The following RPTOR variants were observed in gnomAD, a reference collection of about 807,000 sequenced individuals.
RPTOR encodes the protein regulatory associated protein of MTOR complex 1.
RPTOR carries 21 observed loss-of-function variants against 169.9 expected under a neutral mutation model. The observed-to-expected ratio is 0.12, with a 90% CI of 0.09 to 0.18. The LOEUF (loss-of-function observed/expected upper bound fraction) is 0.18, where lower values mean the gene tolerates loss of function less well. RPTOR is among the 10% of genes least tolerant of loss of function. RPTOR has a pLI of 1.00. For missense variants in RPTOR, 1,133 were observed against 1,855.9 expected (o/e 0.61, Z 7.16); for synonymous variants, 732 against 753.2 (o/e 0.97, Z 0.46).
At chr17:80,687,141 T>C (rs2065954352) in intron 3 of RPTOR, among the ~76,000 whole-genome samples, 1 of 152,246 alleles carries the variant, frequency 6.6e-6, no homozygotes, top group South Asian at 2.1e-4. Context: ...GGCCAGCGCC[T>C]ACACTGCAGG....
intron 3 of RPTOR, among the ~76,000 whole-genome samples, chr17:80,665,406 TCC>T (rs1233973774): frequency 0.061 from 525 of 8,642 alleles, 48 homozygotes; most frequent in African/African-American, 0.11. Flanking sequence ...TCCTTTCCTT[TCC>T]TTTCCTTTCC....
At chr17:80,740,577 A>T (rs1186737973) in intron 5 of RPTOR, among the ~76,000 whole-genome samples, 1 of 152,254 alleles carries the variant, frequency 6.6e-6, no homozygotes, top group Non-Finnish European at 1.5e-5. Context: ...ATACGCTGTG[A>T]CTTAGTGAGT....
In RPTOR at chr17:80,746,324, G is replaced by A. The variant is rs989959411; in HGVS notation, c.655-7686G>A. Among the ~76,000 whole-genome samples the A allele has an allele frequency of 2.0e-5, 3 of 148,612 alleles. No homozygotes were observed. The highest frequency in any genetic ancestry group is 4.9e-5 in the African/African-American group (2 of 40,436). On this transcript the variant is annotated intron_variant, in intron 5 of 33. Transcript: ENST00000306801. The surrounding 1 kb of genome is among the most constrained non-coding windows in gnomAD (Gnocchi z 4.5). ...GGGTGATCCCCACCGCCCCCACAGC[G>A]GTGCTTTCTGCGGGTGATCCCCACC...
chr17:80,583,040 T>C (rs1436586800), intron 1 of RPTOR, among the ~76,000 whole-genome samples: 1 of 150,752 alleles, frequency 6.6e-6, no homozygotes, highest in Non-Finnish European at 1.5e-5. Context: ...TTCAGCCTCC[T>C]GAGTAGCTGG....
At chr17:80,840,276 GCTCA>G (rs1010053500) in intron 10 of RPTOR, among the ~76,000 whole-genome samples, 3 of 152,062 alleles carry the variant, frequency 2.0e-5, no homozygotes, top group Non-Finnish European at 2.9e-5. Context: ...GTTTGAGTAA[GCTCA>G]CTCTCTCTGC....
At chr17:80,926,668 C>T (rs2068815240) in intron 24 of RPTOR, among the ~76,000 whole-genome samples, 2 of 152,178 alleles carry the variant, frequency 1.3e-5, no homozygotes. Context: ...TGACAACATT[C>T]CTTAAAAAGA....
In RPTOR at chr17:80,960,615, G is replaced by C. The variant is rs1019753986; in HGVS notation, c.3605+410G>C. Among the ~76,000 whole-genome samples, 1 of 152,244 alleles carries C rather than the reference G, an allele frequency of 6.6e-6. No homozygotes were observed. Among genetic ancestry groups the C allele is most frequent in the African/African-American group, 2.4e-5 (1 of 41,456 alleles). On this transcript the variant is annotated intron_variant, in intron 30 of 33. Coordinates refer to ENST00000306801, the MANE Select transcript of RPTOR (RefSeq NM_020761.3). This position sits in a 1 kb window ranked among gnomAD's most constrained non-coding sequence, Gnocchi z 4.8. Reference sequence around the variant, plus strand: ...AGCAAGTGTCTGGGGAGGGATGTCTGAGGGCACACACGTGGGCACAGCAGC... The same window carrying C: ...AGCAAGTGTCTGGGGAGGGATGTCTCAGGGCACACACGTGGGCACAGCAGC...
At chr17:80,772,032 G>T (rs2066848872) in intron 6 of RPTOR, among the ~76,000 whole-genome samples, 1 of 152,142 alleles carries the variant, frequency 6.6e-6, no homozygotes, top group South Asian at 2.1e-4. Flanking sequence ...TATTGGCCAG[G>T]CTGGTCTTTA....
chr17:80,624,285 G>T (rs1201074703), intron 1 of RPTOR, among the ~76,000 whole-genome samples: 2 of 152,118 alleles, frequency 1.3e-5, no homozygotes, highest in Admixed American at 6.5e-5. Context: ...ACCATATTAT[G>T]TTCTGTATAG....
Position 80,960,203 on chromosome 17 carries a change from A to C in RPTOR, c.3603A>C (p.Glu1201Asp), listed in dbSNP as rs752022821. Residue 1201 changes from glutamate to aspartate, a missense_variant and splice_region_variant, in exon 30 of 34, where the codon GAA (glutamate) becomes GAC (aspartate). Around this residue, in one of 9 missense-constraint regions of RPTOR, gnomAD observed 410 missense variants for 623.7 expected, o/e 0.66. Coordinates refer to ENST00000306801, the MANE Select transcript of RPTOR (RefSeq NM_020761.3). This position sits in a 1 kb window ranked among gnomAD's most constrained non-coding sequence, Gnocchi z 4.8. The part of the protein sequence containing the change: ...RVYDRRMALS[E>D]CRVMTYREHT... ...ACGACAGAAGGATGGCACTCAGCGA[A>C]TGGTACCTTGACCCTGTCCTCTCCC... 6.2e-7 allele frequency: 1 copy of C among 1,613,382 alleles called. No homozygotes were observed. Among genetic ancestry groups the C allele is most frequent in the Non-Finnish European group, 8.5e-7 (1 of 1,179,952 alleles).
chr17:80,789,268 T>G (rs1226331682), intron 6 of RPTOR, among the ~76,000 whole-genome samples: 1 of 152,216 alleles, frequency 6.6e-6, no homozygotes, highest in Non-Finnish European at 1.5e-5. Flanking sequence ...ATTGTAGACA[T>G]TCTAGATTCT....
chr17:80,689,880 C>T (rs920828036), intron 3 of RPTOR, among the ~76,000 whole-genome samples: 1 of 152,074 alleles, frequency 6.6e-6, no homozygotes, highest in Admixed American at 6.5e-5. Flanking sequence ...TTGCTAAAAA[C>T]ACATTTAATA....
intron 10 of RPTOR, 144 bp from the exon 11 acceptor site, chr17:80,846,329 G>A (rs534701730): frequency 2.5e-5 from 19 of 745,274 alleles, no homozygotes; most frequent in East Asian, 2.1e-4. Flanking sequence ...CAGAGCGCCC[G>A]CTTCTCAGCC....
intron 1 of RPTOR, among the ~76,000 whole-genome samples, chr17:80,597,949 G>T (rs2065156191): frequency 6.6e-6 from 1 of 152,076 alleles, no homozygotes; most frequent in Non-Finnish European, 1.5e-5. Context: ...AGACCAGCCT[G>T]GGCCACATAG....
chr17:80,769,861 A>T (rs1017288412), intron 6 of RPTOR, among the ~76,000 whole-genome samples: 2 of 152,182 alleles, frequency 1.3e-5, no homozygotes, highest in Admixed American at 6.5e-5. Flanking sequence ...CGTGACCATG[A>T]AGCTCGAGCT....
intron 9 of RPTOR, among the ~76,000 whole-genome samples, chr17:80,834,036 TG>T (rs1257734191): frequency 6.6e-6 from 1 of 152,238 alleles, no homozygotes. Flanking sequence ...TAGAATTTAA[TG>T]GGTAATCTGG....
intron 10 of RPTOR, among the ~76,000 whole-genome samples, chr17:80,840,529 C>T (rs1263133544): frequency 6.9e-6 from 1 of 144,744 alleles, no homozygotes. Flanking sequence ...GCAGCTCACA[C>T]TCACCGCACG....
intron 1 of RPTOR, among the ~76,000 whole-genome samples, chr17:80,568,755 T>A (rs1390555041): frequency 6.6e-6 from 1 of 152,214 alleles, no homozygotes; most frequent in African/African-American, 2.4e-5. Flanking sequence ...TCCCTCCATC[T>A]TTTTTTCCTC....
chr17:80,808,868 A>G (rs1598320556), intron 7 of RPTOR, among the ~76,000 whole-genome samples: 1 of 152,270 alleles, frequency 6.6e-6, no homozygotes, highest in South Asian at 2.1e-4. Context: ...CCTGTTCATT[A>G]TAAGTAACAG....
Sources: gnomAD v4.1 joint callset for allele counts (sites outside exome capture counted in the v4.1 genomes callset) on GRCh38, gnomAD v4.1.1 for gene constraint, gnomAD v4.1.1 regional missense constraint, Gnocchi (gnomAD v3.1) non-coding constraint, MANE v1.5 for transcripts, NCBI Gene and HGNC (gene_info 2026-07-23, HGNC 2026-07-21) for gene names.